Variants in NEK6 observed in about 807,000 individuals in gnomAD.
NEK6 encodes the protein serine/threonine-protein kinase Nek6.
A neutral mutation model predicts 43.5 loss-of-function variants in NEK6; 27 were observed. That is an observed-to-expected ratio of 0.62 (90% CI 0.46 to 0.86). The LOEUF (loss-of-function observed/expected upper bound fraction) is 0.86, where lower values mean the gene tolerates loss of function less well. NEK6 is among the 40% of genes least tolerant of loss of function. The pLI, the probability that NEK6 is intolerant of heterozygous loss-of-function variation, is 0.00. For synonymous variants in NEK6, 167 were observed against 164.1 expected, an observed-to-expected ratio of 1.02 and a Z score of -0.14; for missense variants, 318 against 414.4, an observed-to-expected ratio of 0.77 and a Z score of 2.02.
chr9:124,280,296 C>CGTG (rs1831839312), intron 1 of NEK6, among the ~76,000 whole-genome samples: 2 of 152,220 alleles, frequency 1.3e-5, no homozygotes, highest in African/African-American at 4.8e-5. Flanking sequence ...GAACTGGGGC[C>CGTG]CACCCTGCCC....
At chr9:124,341,943 G>A (rs1038200769) in intron 8 of NEK6, among the ~76,000 whole-genome samples, 8 of 152,206 alleles carry the variant, frequency 5.3e-5, no homozygotes, top group African/African-American at 1.7e-4. Context: ...TTAAATCCAG[G>A]TGGGGAAAGC....
At chr9:124,277,378 G>A (rs186853066) in intron 1 of NEK6, among the ~76,000 whole-genome samples, 1 of 152,316 alleles carries the variant, frequency 6.6e-6, no homozygotes, top group East Asian at 1.9e-4. Flanking sequence ...CATGGGAGGC[G>A]GAGGTTGCAG....
chr9:124,257,814 TC>T, upstream of NEK6: 1 of 1,266,544 alleles, frequency 7.9e-7, no homozygotes, highest in African/African-American at 1.6e-5. Flanking sequence ...AGTCGAGGGG[TC>T]CAGGCCCAGG....
intron 1 of NEK6, among the ~76,000 whole-genome samples, chr9:124,274,672 T>C (rs1354553288): frequency 6.6e-6 from 1 of 152,172 alleles, no homozygotes; most frequent in East Asian, 1.9e-4. Context: ...TTTGCTTTCA[T>C]GTAAGAATGC....
intron 1 of NEK6, among the ~76,000 whole-genome samples, chr9:124,295,325 C>T (rs983761226): frequency 1.4e-4 from 22 of 152,214 alleles, no homozygotes; most frequent in Non-Finnish European, 3.1e-4. Flanking sequence ...TTGTCCCCTC[C>T]AGCTTGACAG....
At chr9:124,285,476 G>T (rs1392347430) in intron 1 of NEK6, among the ~76,000 whole-genome samples, 2 of 152,164 alleles carry the variant, frequency 1.3e-5, no homozygotes, top group African/African-American at 4.8e-5. Flanking sequence ...AAGGCTCAAA[G>T]AGCTGGGTCG....
chr9:124,285,195 A>G lies in NEK6; in HGVS notation c.-29-16741A>G, dbSNP rs538340117. 7.9e-5 allele frequency among the ~76,000 whole-genome samples: 12 copies of G among 152,270 alleles called. No homozygotes were observed. The South Asian group carries it at 2.5e-3, about 32-fold the overall frequency. On this transcript the variant is annotated intron_variant, in intron 1 of 9. Transcript: ENST00000320246. ...CGAGGCATATTTTACAGGCTTGGTG[A>G]CCGCTCAAGCCTTTGAGCCCTCCAT...
intron 1 of NEK6, among the ~76,000 whole-genome samples, chr9:124,266,149 G>A (rs947253179): frequency 5.9e-5 from 9 of 152,136 alleles, no homozygotes; most frequent in East Asian, 1.9e-4. Flanking sequence ...AGGTGGGGCC[G>A]GTGGGTGAGA....
chr9:124,325,495 C>T (rs1834289031), intron 5 of NEK6, among the ~76,000 whole-genome samples: 1 of 152,218 alleles, frequency 6.6e-6, no homozygotes, highest in Admixed American at 6.5e-5. Context: ...AAGGTGGTTG[C>T]TTTGAAGCAA....
chr9:124,293,399 C>T (rs1240078810), intron 1 of NEK6, among the ~76,000 whole-genome samples: 2 of 152,192 alleles, frequency 1.3e-5, no homozygotes, highest in Non-Finnish European at 2.9e-5. Context: ...CCAGCCTTGA[C>T]CAGGTCCCAG....
At chr9:124,333,672 C>T (rs1347928355) in intron 7 of NEK6, among the ~76,000 whole-genome samples, 1 of 152,138 alleles carries the variant, frequency 6.6e-6, no homozygotes, top group African/African-American at 2.4e-5. Flanking sequence ...CCAGGTTCCA[C>T]CCCTGGAGAT....
intron 4 of NEK6, among the ~76,000 whole-genome samples, chr9:124,320,180 C>T (rs902417061): frequency 2.0e-5 from 3 of 152,176 alleles, no homozygotes; most frequent in African/African-American, 7.2e-5. Context: ...CAGGGCCAGA[C>T]CTTGGTCCAG....
At chr9:124,348,950 C>T (rs1166967592) in intron 9 of NEK6, among the ~76,000 whole-genome samples, 1 of 152,272 alleles carries the variant, frequency 6.6e-6, no homozygotes, top group Non-Finnish European at 1.5e-5. Flanking sequence ...AGCCATCGTG[C>T]TTCTTGATGG....
intron 1 of NEK6, among the ~76,000 whole-genome samples, chr9:124,264,933 A>C (rs1220453517): frequency 6.6e-6 from 1 of 152,126 alleles, no homozygotes; most frequent in East Asian, 1.9e-4. Context: ...AAGGGGGCAA[A>C]GCCACCTGCC....
At chr9:124,306,821 C>T (rs1186165601) in intron 2 of NEK6, among the ~76,000 whole-genome samples, 2 of 152,188 alleles carry the variant, frequency 1.3e-5, no homozygotes, top group South Asian at 2.1e-4. Flanking sequence ...TAAAATATAT[C>T]GCTATATACA....
Position 124,313,799 on chromosome 9 carries a change from G to C in NEK6, c.232-124G>C, listed in dbSNP as rs73584366. 3.5e-3 allele frequency: 3,061 copies of C among 863,762 alleles called. 43 individuals are homozygous for C. In the African/African-American group the frequency reaches 0.045, roughly 13 times the overall value. The allele number at this position is 863,762 out of a possible 1,614,324, so 53.5% of individuals were successfully genotyped here. A position where few individuals can be genotyped will look rare whatever the true frequency, so the allele number is the denominator to read the frequency against. ...CTACAGGGGCTGGGAGTGCAGGGGG[G>C]GGTCACAGAGTCCCTTGGTGAGGAG... On this transcript the variant is annotated intron_variant, in intron 3 of 9. Transcript: ENST00000320246.
intron 1 of NEK6, among the ~76,000 whole-genome samples, chr9:124,285,681 G>A (rs1055764716): frequency 1.3e-5 from 2 of 152,148 alleles, no homozygotes; most frequent in East Asian, 3.9e-4. Flanking sequence ...CAGATGCAAA[G>A]CCTGTTAGGA....
At chr9:124,276,022 G>GC (rs564800036) in intron 1 of NEK6, among the ~76,000 whole-genome samples, 2 of 152,134 alleles carry the variant, frequency 1.3e-5, no homozygotes, top group African/African-American at 4.8e-5. Flanking sequence ...CAGGGGAGTG[G>GC]CCCCCCTGAA....
intron 7 of NEK6, among the ~76,000 whole-genome samples, chr9:124,332,597 C>T (rs1588528731): frequency 6.6e-6 from 1 of 152,264 alleles, no homozygotes; most frequent in Non-Finnish European, 1.5e-5. Context: ...TCTCCAGCTG[C>T]TTTCCAATCC....
Sources: gnomAD v4.1 joint callset for allele counts (sites outside exome capture counted in the v4.1 genomes callset) on GRCh38, gnomAD v4.1.1 for gene constraint, MANE v1.5 for transcripts, NCBI Gene and HGNC (gene_info 2026-07-23, HGNC 2026-07-21) for gene names.